RNF115: variants seen among roughly 807,000 people sequenced by gnomAD.
The protein encoded by RNF115 is E3 ubiquitin-protein ligase RNF115.
RNF115 carries 31 observed loss-of-function variants against 39.2 expected under a neutral mutation model. The observed-to-expected ratio is 0.79, with a 90% CI of 0.59 to 1.07. The LOEUF is 1.07. Among genes scored for constraint, RNF115 ranks in the 50% least tolerant of loss-of-function variants. RNF115 has a pLI of 0.00. For missense variants in RNF115, 384 were observed against 381.7 expected, an observed-to-expected ratio of 1.01 and a Z score of -0.05; for synonymous variants, 124 against 131.0, an observed-to-expected ratio of 0.95 and a Z score of 0.37.
intron 2 of RNF115, among the ~76,000 whole-genome samples, chr1:145,785,593 G>C (rs1211365487): frequency 1.3e-5 from 2 of 152,154 alleles, no homozygotes; most frequent in Non-Finnish European, 2.9e-5. Context: ...TTTACTTCAA[G>C]AGACACACTT....
intron 1 of RNF115, among the ~76,000 whole-genome samples, chr1:145,809,408 C>T (rs1227103461): frequency 4.6e-5 from 7 of 150,774 alleles, no homozygotes; most frequent in East Asian, 2.0e-4. Context: ...CTCAAACTCC[C>T]GACCTCAGGT....
At chr1:145,753,987 G>A (rs1354569556) in intron 4 of RNF115, among the ~76,000 whole-genome samples, 1 of 152,058 alleles carries the variant, frequency 6.6e-6, no homozygotes. Context: ...GGGATTACAG[G>A]TGTGAGCCAC....
intron 3 of RNF115, among the ~76,000 whole-genome samples, chr1:145,777,744 T>C (rs188853429): frequency 2.6e-5 from 4 of 152,230 alleles, no homozygotes; most frequent in African/African-American, 2.4e-5. Context: ...GTTTGACAAG[T>C]TTTGCCTTGA....
intron 4 of RNF115, among the ~76,000 whole-genome samples, chr1:145,767,833 C>T (rs1314907921): frequency 3.3e-5 from 5 of 152,236 alleles, no homozygotes; most frequent in African/African-American, 9.6e-5. Context: ...ACCAGTCAGG[C>T]GTGGCGGCGC....
chr1:145,766,002 CT>C (rs879951491), intron 4 of RNF115, among the ~76,000 whole-genome samples: 826 of 140,006 alleles, frequency 5.9e-3, no homozygotes, highest in Non-Finnish European at 5.7e-3. Flanking sequence ...TACTCTTTTT[CT>C]TTTTTTTTTT....
intron 3 of RNF115, among the ~76,000 whole-genome samples, chr1:145,776,400 G>A (rs1451436492): frequency 6.6e-6 from 1 of 151,804 alleles, no homozygotes; most frequent in Non-Finnish European, 1.5e-5. Flanking sequence ...CTGACCTCAG[G>A]AGATCCACCT....
rs188672086 is a variant in RNF115, at chr1:145,775,767, G to T, written c.220-3848C>A. On this transcript the variant is annotated intron_variant, in intron 3 of 8. Transcript: ENST00000582693. The stretch of plus-strand genomic sequence containing the variant: ...CAGCCCTTTGAGAGGCTAAGGCGGT[G>T]GGGGGGATCACTGAGGCCAGAAGTT... Among the ~76,000 whole-genome samples the T allele has an allele frequency of 1.0e-3, 158 of 151,962 alleles. 6 individuals are homozygous for T. The East Asian group carries it at 0.027, about 26-fold the overall frequency.
chr1:145,796,723 T>C (rs1252539240), intron 1 of RNF115, among the ~76,000 whole-genome samples: 6 of 151,874 alleles, frequency 4.0e-5, no homozygotes, highest in Admixed American at 3.9e-4. Context: ...TTCAGAAGTG[T>C]TAAGTATATT....
At chr1:145,768,803 C>G (rs1647505406) in intron 4 of RNF115, among the ~76,000 whole-genome samples, 1 of 152,138 alleles carries the variant, frequency 6.6e-6, no homozygotes, top group South Asian at 2.1e-4. Context: ...TGAAATTGTA[C>G]TTTCAAAACA....
At chr1:145,766,343 G>T (rs1553714822) in intron 4 of RNF115, among the ~76,000 whole-genome samples, 4 of 152,164 alleles carry the variant, frequency 2.6e-5, no homozygotes, top group Admixed American at 2.0e-4. Context: ...TCCTAAGGCA[G>T]AAGAATTTTT....
chr1:145,766,576 C>T (rs1369424605), intron 4 of RNF115, among the ~76,000 whole-genome samples: 3 of 151,544 alleles, frequency 2.0e-5, no homozygotes, highest in Non-Finnish European at 3.0e-5. Flanking sequence ...GGCGGCCGGG[C>T]AGAGGCGCCC....
At chr1:145,791,049 G>A (rs782236307) in intron 1 of RNF115, among the ~76,000 whole-genome samples, 3 of 152,042 alleles carry the variant, frequency 2.0e-5, no homozygotes, top group Non-Finnish European at 4.4e-5. Context: ...GGCTGAGGCA[G>A]GAGAACTGCT....
At chr1:145,766,095 A>G (rs587596715) in intron 4 of RNF115, among the ~76,000 whole-genome samples, 25 of 150,810 alleles carry the variant, frequency 1.7e-4, no homozygotes, top group African/African-American at 5.6e-4. Flanking sequence ...AGGTCAGCAG[A>G]TAAGTGAACA....
intron 4 of RNF115, among the ~76,000 whole-genome samples, chr1:145,765,844 T>C (rs587730291): frequency 2.0e-5 from 3 of 152,324 alleles, no homozygotes; most frequent in African/African-American, 7.2e-5. Flanking sequence ...GTCTCTGTGT[T>C]AGTAAAAAAG....
Position 145,746,924 on chromosome 1 carries a change from G to A in RNF115, c.857C>T (p.Ala286Val). Residue 286 changes from alanine to valine, a missense_variant, in exon 9 of 9, where the codon GCC becomes GTC. By Grantham distance (64) the Ala-to-Val change is moderately conservative. Coordinates refer to ENST00000582693, the MANE Select transcript of RNF115 (RefSeq NM_014455.4). ...DSTRQSQSTEASASNRFSNDS... is the reference protein window; with the variant it reads ...DSTRQSQSTEVSASNRFSNDS... ...ATTGCTAAATCTGTTGCTTGCAGAGGCCTCAGTGCTCTGGCTTTGCCGAGT... is the reference window on the plus strand; with the variant it reads ...ATTGCTAAATCTGTTGCTTGCAGAGACCTCAGTGCTCTGGCTTTGCCGAGT... 1 of 1,614,044 alleles carries A rather than the reference G, an allele frequency of 6.2e-7. No homozygotes were observed.
chr1:145,747,337 A>G (rs1657912696), intron 8 of RNF115, among the ~76,000 whole-genome samples: 1 of 152,226 alleles, frequency 6.6e-6, no homozygotes, highest in African/African-American at 2.4e-5. Context: ...AGCAGAGGTC[A>G]GCAAACTTTT....
At chr1:145,792,297 T>C (rs142409233) in intron 1 of RNF115, among the ~76,000 whole-genome samples, 368 of 152,184 alleles carry the variant, frequency 2.4e-3, no homozygotes, top group African/African-American at 8.4e-3. Context: ...TATTTGGCTC[T>C]TCAAAGAAAG....
At position 145,783,825 on chromosome 1, in the gene RNF115, C is replaced by CT. The variant is rs1201648034; in HGVS notation, c.219+713dup. 1.8e-3 allele frequency among the ~76,000 whole-genome samples: 269 copies of CT among 147,760 alleles called. 2 individuals carry two copies. The South Asian group carries it at 0.02, about 11-fold the overall frequency. On this transcript the variant is annotated intron_variant, in intron 3 of 8. Transcript: ENST00000582693. ...CACTTAAGAACAGTTACAATGGTTT[C>CT]TTTTTTTAAAAAAAAAAAACACAAC...
intron 4 of RNF115, among the ~76,000 whole-genome samples, chr1:145,764,772 C>T (rs1553714498): frequency 2.0e-5 from 3 of 149,758 alleles, no homozygotes; most frequent in African/African-American, 7.3e-5. Context: ...CAGCCCCCGC[C>T]CAGCCAGCCG....
Sources: allele counts gnomAD v4.1 joint callset (sites outside exome capture counted in the v4.1 genomes callset), GRCh38; gene constraint gnomAD v4.1.1; transcripts MANE v1.5; gene names NCBI Gene and HGNC (gene_info 2026-07-23, HGNC 2026-07-21).